KIRREL3: variants seen among roughly 807,000 people sequenced by gnomAD.
The protein encoded by KIRREL3 is kirre like nephrin family adhesion molecule 3.
KIRREL3 carries 36 observed loss-of-function variants against 89.7 expected under a neutral mutation model. The ratio of observed to expected loss-of-function variants is 0.40; its 90% confidence interval spans 0.31 to 0.53. KIRREL3 has a LOEUF of 0.53. Ranked by LOEUF, KIRREL3 falls within the 20% of genes least tolerant of loss-of-function variation. KIRREL3 has a pLI of 0.49. For synonymous variants in KIRREL3, 445 were observed against 441.4 expected, an observed-to-expected ratio of 1.01 and a Z score of -0.10; for missense variants, 864 against 1,056.6, an observed-to-expected ratio of 0.82 and a Z score of 2.53.
rs1045187202 is a variant in KIRREL3, at chr11:126,742,814, T to G, written c.56-179902A>C. Among the ~76,000 whole-genome samples the G allele has an allele frequency of 6.6e-6, 1 of 152,252 alleles. No individual in the cohort carries two copies. Among genetic ancestry groups the G allele is most frequent in the African/African-American group, 2.4e-5 (1 of 41,476 alleles). On this transcript the variant is annotated intron_variant, in intron 1 of 16. Transcript: ENST00000525144. The surrounding 1 kb of genome is among the most constrained non-coding windows in gnomAD (Gnocchi z 5.3). ...TTGATCAACAACTTTGCCACATCACTGGCACATTCGTTGCTGGGCAACGTG... is the reference window on the plus strand; with the variant it reads ...TTGATCAACAACTTTGCCACATCACGGGCACATTCGTTGCTGGGCAACGTG...
intron 1 of KIRREL3, among the ~76,000 whole-genome samples, chr11:126,835,941 T>C (rs926414348): frequency 2.0e-5 from 3 of 152,126 alleles, no homozygotes; most frequent in Non-Finnish European, 4.4e-5. Flanking sequence ...CAGTAACAAC[T>C]CTGAACACGG....
At chr11:126,464,955 C>T (rs142362331) in intron 5 of KIRREL3, among the ~76,000 whole-genome samples, 46 of 152,308 alleles carry the variant, frequency 3.0e-4, no homozygotes, top group Admixed American at 6.5e-4. Flanking sequence ...AATGTCATTC[C>T]GAAGCTAGTT....
chr11:126,480,684 T>A (rs1164732061), intron 4 of KIRREL3, among the ~76,000 whole-genome samples: 1 of 152,238 alleles, frequency 6.6e-6, no homozygotes, highest in East Asian at 1.9e-4. Context: ...CAGGGGGCAT[T>A]CAGACCTGGC....
intron 1 of KIRREL3, among the ~76,000 whole-genome samples, chr11:126,988,821 C>T (rs916727335): frequency 2.6e-5 from 4 of 152,206 alleles, no homozygotes; most frequent in African/African-American, 9.6e-5. Context: ...TACCATCTCC[C>T]CGTGGCTGGT....
At chr11:126,650,920 A>T (rs1045007672) in intron 1 of KIRREL3, among the ~76,000 whole-genome samples, 2 of 152,236 alleles carry the variant, frequency 1.3e-5, no homozygotes, top group Non-Finnish European at 2.9e-5. Context: ...TCTCAGAATC[A>T]TGGCAGGAAG....
intron 1 of KIRREL3, among the ~76,000 whole-genome samples, chr11:126,856,620 T>TATA (rs1555061752): frequency 1.7e-4 from 2 of 11,912 alleles, no homozygotes; most frequent in East Asian, 2.5e-3. Context: ...CAGACATATA[T>TATA]TTTTTTTTTC....
At chr11:126,658,666 G>A (rs1166025151) in intron 1 of KIRREL3, among the ~76,000 whole-genome samples, 3 of 152,166 alleles carry the variant, frequency 2.0e-5, no homozygotes, top group South Asian at 4.1e-4. Context: ...TCTGCATCTC[G>A]TTAAGACTTT....
At chr11:126,941,818 C>T (rs1948457772) in intron 1 of KIRREL3, among the ~76,000 whole-genome samples, 1 of 152,224 alleles carries the variant, frequency 6.6e-6, no homozygotes, top group Non-Finnish European at 1.5e-5. Context: ...ACTAACTCCT[C>T]AGTGGGCTCA....
At chr11:126,700,496 A>G (rs1226229285) in intron 1 of KIRREL3, among the ~76,000 whole-genome samples, 1 of 152,208 alleles carries the variant, frequency 6.6e-6, no homozygotes, top group Admixed American at 6.5e-5. Flanking sequence ...GGTTTTTGCA[A>G]TTACTTTTAA....
rs1944889376 is a variant in KIRREL3 at position 126,651,064 on chromosome 11, A to G, written c.56-88152T>C. 6.6e-6 allele frequency among the ~76,000 whole-genome samples: 1 copy of G among 152,198 alleles called. No homozygotes were observed. Among genetic ancestry groups the G allele is most frequent in the Non-Finnish European group, 1.5e-5 (1 of 68,032 alleles). On this transcript the variant is annotated intron_variant, in intron 1 of 16. Transcript: ENST00000525144. The surrounding 1 kb of genome is among the most constrained non-coding windows in gnomAD (Gnocchi z 4.6). Reference sequence around the variant, plus strand: ...GAACAGTATGGGGGAAACCACCCCCATGATTCAAATTATCTCCCACCGGGT... The same window carrying G: ...GAACAGTATGGGGGAAACCACCCCCGTGATTCAAATTATCTCCCACCGGGT...
At position 126,729,742 on chromosome 11, in the gene KIRREL3, G is replaced by A. The variant is rs1228931956; in HGVS notation, c.56-166830C>T. 7.2e-5 allele frequency among the ~76,000 whole-genome samples: 11 copies of A among 152,162 alleles called. No homozygotes were observed. Among genetic ancestry groups the A allele is most frequent in the Admixed American group, 7.2e-4 (11 of 15,282 alleles). ...AAAAGCTCACAGCTCAGGGTCCCCT[G>A]CTATTTTATGAGCTTGGGAGGTTTC... is the stretch of plus-strand genomic sequence containing the variant. On this transcript the variant is annotated intron_variant, in intron 1 of 16. Coordinates refer to ENST00000525144, the MANE Select transcript of KIRREL3 (RefSeq NM_032531.4). The surrounding 1 kb of genome is among the most constrained non-coding windows in gnomAD (Gnocchi z 4.5).
rs115036339 is a variant in KIRREL3, at chr11:126,942,009, C to T, written c.55+58446G>A. Among the ~76,000 whole-genome samples the T allele has an allele frequency of 1.7e-3, 257 of 152,280 alleles. 1 individual carries two copies. Among genetic ancestry groups the T allele is most frequent in the African/African-American group, 6.0e-3 (251 of 41,556 alleles). On this transcript the variant is annotated intron_variant, in intron 1 of 16. Coordinates refer to ENST00000525144, the MANE Select transcript of KIRREL3 (RefSeq NM_032531.4). Reference sequence around the variant, plus strand: ...AAGGAGCAGGGTTCAGAAGAACTGGCCTTTACCAGCTCTGTCATTTTCCAG... The same window carrying T: ...AAGGAGCAGGGTTCAGAAGAACTGGTCTTTACCAGCTCTGTCATTTTCCAG...
At chr11:127,002,259 A>G (rs1182439429), upstream of KIRREL3, among the ~76,000 whole-genome samples, 1 of 146,812 alleles carries the variant, frequency 6.8e-6, no homozygotes, top group African/African-American at 2.5e-5. Flanking sequence ...TGACTTTTCT[A>G]TTCTTAACTT....
chr11:126,921,165 G>A (rs746998322), intron 1 of KIRREL3, among the ~76,000 whole-genome samples: 2 of 152,120 alleles, frequency 1.3e-5, no homozygotes, highest in Non-Finnish European at 2.9e-5. Flanking sequence ...AGCACTCTAG[G>A]TTCTCCAACC....
chr11:126,906,503 C>T lies in KIRREL3; in HGVS notation c.55+93952G>A, dbSNP rs950777961. 2.0e-5 allele frequency among the ~76,000 whole-genome samples: 3 copies of T among 152,174 alleles called. No individual in the cohort carries two copies. The highest frequency in any genetic ancestry group is 7.2e-5 in the African/African-American group (3 of 41,430). ...ACCTTGAACCTTATTTGATTGCTGC[C>T]TCTGCCCAGTAACTTTAATCTCCCT... On this transcript the variant is annotated intron_variant, in intron 1 of 16. Transcript: ENST00000525144. This position sits in a 1 kb window ranked among gnomAD's most constrained non-coding sequence, Gnocchi z 4.1.
rs1943272338 is a variant in KIRREL3, at chr11:126,614,717, G to A, written c.56-51805C>T. ...GTGAGATGTATTTGCAGACAAGTGG[G>A]CCGCAATCACAGGATTGTGATTCTG... On this transcript the variant is annotated intron_variant, in intron 1 of 16. Transcript: ENST00000525144. This position sits in a 1 kb window ranked among gnomAD's most constrained non-coding sequence, Gnocchi z 4.6. Among the ~76,000 whole-genome samples the A allele has an allele frequency of 6.6e-6, 1 of 152,298 alleles. No individual in the cohort carries two copies.
intron 1 of KIRREL3, among the ~76,000 whole-genome samples, chr11:126,893,556 C>T: frequency 6.6e-6 from 1 of 152,150 alleles, no homozygotes. Flanking sequence ...GAACCGGCCA[C>T]CTGAAGGTCT....
chr11:126,829,272 A>G (rs1242341287), intron 1 of KIRREL3, among the ~76,000 whole-genome samples: 3 of 152,246 alleles, frequency 2.0e-5, no homozygotes, highest in Non-Finnish European at 2.9e-5. Context: ...CTAATGGCAA[A>G]GCCAAGAGGG....
chr11:126,766,545 T>C lies in KIRREL3; in HGVS notation c.56-203633A>G, dbSNP rs933942565. ...TCGGCAAACAGGTTTCCAGGGCAGG[T>C]GGTGGTATCTTCTGGGTCTTGGGGA... is the stretch of plus-strand genomic sequence containing the variant. On this transcript the variant is annotated intron_variant, in intron 1 of 16. Transcript: ENST00000525144. This position sits in a 1 kb window ranked among gnomAD's most constrained non-coding sequence, Gnocchi z 4.2. Among the ~76,000 whole-genome samples, 8 of 151,930 alleles carry C rather than the reference T, an allele frequency of 5.3e-5. No homozygotes were observed. Among genetic ancestry groups the C allele is most frequent in the African/African-American group, 1.5e-4 (6 of 41,350 alleles).
Sources: allele counts gnomAD v4.1 joint callset (sites outside exome capture counted in the v4.1 genomes callset), GRCh38; gene constraint gnomAD v4.1.1; non-coding constraint Gnocchi (gnomAD v3.1); transcripts MANE v1.5; gene names NCBI Gene and HGNC (gene_info 2026-07-23, HGNC 2026-07-21).